DLG5: variants seen among roughly 807,000 people sequenced by gnomAD.
DLG5 encodes disks large homolog 5.
A neutral mutation model predicts 189.8 loss-of-function variants in DLG5; 48 were observed. The ratio of observed to expected loss-of-function variants is 0.25; its 90% CI spans 0.20 to 0.32. The LOEUF (loss-of-function observed/expected upper bound fraction) is 0.32. Among genes scored for constraint, DLG5 ranks in the 10% least tolerant of loss-of-function variants. The pLI, the probability that DLG5 is intolerant of heterozygous loss-of-function variation, is 1.00. For missense variants in DLG5, 2,160 were observed against 2,544.7 expected, an observed-to-expected ratio of 0.85 and a Z score of 3.25; for synonymous variants, 1,016 against 1,054.1, an observed-to-expected ratio of 0.96 and a Z score of 0.70.
At position 77,926,419 on chromosome 10, in the gene DLG5, T is replaced by G. The variant is rs548196221; in HGVS notation, c.102A>C (p.Gly34=). Residue 34 remains glycine, a synonymous_variant, in exon 1 of 32, where the codon GGA becomes GGC. Coordinates refer to ENST00000372391, the MANE Select transcript of DLG5 (RefSeq NM_004747.4). The surrounding 1 kb of genome is among the most constrained non-coding windows in gnomAD (Gnocchi z 5.2). The stretch of plus-strand genomic sequence containing the variant: ...GCCGCCGCTCGCCGGGACTGAGCGC[T>G]CCCGCGGCCTCGAGCAGCCCGAGCA... The part of the protein sequence containing the change: ...EAVLGLLEAA[G]ALSPGERRQL... 437 of 1,578,122 alleles carry G rather than the reference T, an allele frequency of 2.8e-4. 7 individuals are homozygous for G. The South Asian group carries it at 4.9e-3, about 18-fold the overall frequency.
intron 1 of DLG5, chr10:77,869,544 T>C: frequency 6.3e-6 from 2 of 318,352 alleles, no homozygotes; most frequent in South Asian, 6.9e-5. Flanking sequence ...TCCACATCTC[T>C]AGCAATATGA....
At chr10:77,853,084 A>G (rs1017742895) in intron 5 of DLG5, among the ~76,000 whole-genome samples, 8 of 151,772 alleles carry the variant, frequency 5.3e-5, no homozygotes, top group South Asian at 2.1e-4. Flanking sequence ...CTGGGCTCCA[A>G]TGATCCTCCT....
At chr10:77,812,093 CG>C (rs746781451) in intron 21 of DLG5, 36 bp from the exon 22 acceptor site, 185 of 1,603,992 alleles carry the variant, frequency 1.2e-4, no homozygotes, top group South Asian at 7.2e-4. Flanking sequence ...GTGGGGGGGT[CG>C]GGGCTGTGGA....
chr10:77,826,215 G>A (rs190076315), intron 13 of DLG5, among the ~76,000 whole-genome samples: 17 of 152,320 alleles, frequency 1.1e-4, no homozygotes, highest in African/African-American at 3.8e-4. Flanking sequence ...CATGCAGCAC[G>A]ACACAGATGT....
At chr10:77,901,291 GA>G (rs898592269) in intron 1 of DLG5, among the ~76,000 whole-genome samples, 8 of 152,182 alleles carry the variant, frequency 5.3e-5, no homozygotes, top group Non-Finnish European at 1.2e-4. Context: ...ACGTTTACTT[GA>G]AGAAGTGAAT....
intron 1 of DLG5, among the ~76,000 whole-genome samples, chr10:77,883,691 CTTTT>C: frequency 1.0e-5 from 1 of 96,436 alleles, no homozygotes; most frequent in South Asian, 3.6e-4. Flanking sequence ...TAACATTGTT[CTTTT>C]TTTTTTTTTT....
intron 7 of DLG5, among the ~76,000 whole-genome samples, chr10:77,840,626 C>T (rs761539345): frequency 5.9e-5 from 9 of 151,846 alleles, no homozygotes; most frequent in Admixed American, 2.0e-4. Context: ...GGCTGAGGCA[C>T]GAGAATTGCT....
At chr10:77,801,631 C>T (rs2579145) in intron 27 of DLG5, among the ~76,000 whole-genome samples, 40,039 of 152,122 alleles carry the variant, frequency 0.26, 5,772 homozygotes, top group Admixed American at 0.39. Flanking sequence ...GAAAACCACA[C>T]GGGGGAAGCA....
intron 24 of DLG5, 144 bp from the exon 25 acceptor site, chr10:77,808,088 G>T: frequency 9.9e-7 from 1 of 1,014,304 alleles, no homozygotes; most frequent in Non-Finnish European, 1.4e-6. Context: ...CTGCAGGAAG[G>T]ACTGAGTCTT....
At chr10:77,814,973 C>A (rs960834967) in intron 20 of DLG5, among the ~76,000 whole-genome samples, 2 of 152,170 alleles carry the variant, frequency 1.3e-5, no homozygotes, top group Non-Finnish European at 2.9e-5. Flanking sequence ...TCAGTCAGGT[C>A]ACACATGTCA....
chr10:77,847,324 C>T (rs1374498744), intron 5 of DLG5, among the ~76,000 whole-genome samples: 1 of 152,126 alleles, frequency 6.6e-6, no homozygotes, highest in Admixed American at 6.5e-5. Context: ...GGGATAGGGT[C>T]GTGCTCACCG....
chr10:77,867,984 C>CTT (rs1844752431), intron 2 of DLG5: 2 of 456,590 alleles, frequency 4.4e-6, no homozygotes, highest in African/African-American at 4.0e-5. Flanking sequence ...AGGCAGAGAT[C>CTT]AGTGTGATGT....
chr10:77,850,176 CA>C (rs1843897126), intron 5 of DLG5, among the ~76,000 whole-genome samples: 1 of 152,152 alleles, frequency 6.6e-6, no homozygotes, highest in African/African-American at 2.4e-5. Context: ...TTTATCACCC[CA>C]AAAAGAAACC....
At chr10:77,873,526 G>A (rs1038029997) in intron 1 of DLG5, among the ~76,000 whole-genome samples, 4 of 152,048 alleles carry the variant, frequency 2.6e-5, no homozygotes, top group Non-Finnish European at 5.9e-5. Flanking sequence ...ACTGGGTCAC[G>A]AAGACCACTT....
At chr10:77,806,151 T>G in intron 26 of DLG5, 2 of 408,936 alleles carry the variant, frequency 4.9e-6, no homozygotes, top group Non-Finnish European at 8.7e-6. Flanking sequence ...CTTCAATTGG[T>G]GACATGACGA....
At chr10:77,820,309 G>T in intron 15 of DLG5, 3 of 258,696 alleles carry the variant, frequency 1.2e-5, no homozygotes, top group Non-Finnish European at 1.5e-5. Context: ...CTGCACCACT[G>T]TACTCCAGCC....
the DLG5 span, among the ~76,000 whole-genome samples, chr10:77,936,048 C>A: frequency 1.3e-5 from 2 of 152,182 alleles, no homozygotes; most frequent in Admixed American, 6.5e-5. Flanking sequence ...TTCAACTTGG[C>A]TCTTGGTAGC....
rs1285433747 is a variant in DLG5, at chr10:77,841,944, G to A, written c.1374C>T (p.Ser458=). The change falls in exon 7 of 32, where the codon TCC becomes TCT. Residue 458 remains serine, a synonymous_variant. Transcript: ENST00000372391. ...TCTCAGATGTGCTGCTCTTGAGCTT[G>A]GACTCGGCCAGCTCCACTTCGGTCT... is the stretch of plus-strand genomic sequence containing the variant. ...KLQTEVELAE[S]KLKSSTSEKK... 6.2e-7 allele frequency: 1 copy of A among 1,614,054 alleles called. No homozygotes were observed. Among genetic ancestry groups the A allele is most frequent in the South Asian group, 1.1e-5 (1 of 91,092 alleles).
intron 27 of DLG5, among the ~76,000 whole-genome samples, chr10:77,804,918 G>A (rs1336418990): frequency 2.6e-5 from 4 of 152,150 alleles, no homozygotes; most frequent in Non-Finnish European, 5.9e-5. Flanking sequence ...TTCTTCCTCA[G>A]TAACTGAACC....
Sources: gnomAD v4.1 joint callset for allele counts (sites outside exome capture counted in the v4.1 genomes callset) on GRCh38, gnomAD v4.1.1 for gene constraint, Gnocchi (gnomAD v3.1) non-coding constraint, MANE v1.5 for transcripts, NCBI Gene and HGNC (gene_info 2026-07-23, HGNC 2026-07-21) for gene names.